Variants in WASL observed in about 807,000 individuals in gnomAD.
WASL encodes WASP like actin nucleation promoting factor, also known as actin nucleation-promoting factor WASL.
WASL carries 20 observed loss-of-function variants against 55.5 expected under a neutral mutation model. The ratio of observed to expected loss-of-function variants is 0.36; its 90% confidence interval spans 0.25 to 0.52. The LOEUF is 0.52. Among genes scored for constraint, WASL ranks in the 20% least tolerant of loss-of-function variants. The pLI, the probability that WASL is intolerant of heterozygous loss-of-function variation, is 0.92. For synonymous variants in WASL, 249 were observed against 217.6 expected, an observed-to-expected ratio of 1.14 and a Z score of -1.27; for missense variants, 504 against 622.5, an observed-to-expected ratio of 0.81 and a Z score of 2.03.
At chr7:123,734,983 T>TA (rs1406421286) in intron 1 of WASL, among the ~76,000 whole-genome samples, 2 of 151,972 alleles carry the variant, frequency 1.3e-5, no homozygotes, top group Non-Finnish European at 2.9e-5. Flanking sequence ...TTTCATTTTT[T>TA]AAAAAAATGC....
intron 1 of WASL, among the ~76,000 whole-genome samples, chr7:123,746,558 C>T (rs1804433753): frequency 1.3e-5 from 2 of 152,190 alleles, no homozygotes; most frequent in African/African-American, 4.8e-5. Context: ...TAACTAGGGA[C>T]TTCAAATATT....
chr7:123,705,028 G>T (rs1286542439), intron 4 of WASL, among the ~76,000 whole-genome samples: 1 of 152,160 alleles, frequency 6.6e-6, no homozygotes, highest in Non-Finnish European at 1.5e-5. Context: ...TTTAAATAGA[G>T]AAAGTGATAT....
intron 1 of WASL, among the ~76,000 whole-genome samples, chr7:123,736,445 T>C (rs1360043454): frequency 6.6e-6 from 1 of 152,212 alleles, no homozygotes; most frequent in African/African-American, 2.4e-5. Flanking sequence ...ACTGAATCTT[T>C]ACAGCAAAAG....
chr7:123,724,906 C>A (rs967018458), intron 1 of WASL, among the ~76,000 whole-genome samples: 2 of 152,156 alleles, frequency 1.3e-5, no homozygotes, highest in East Asian at 3.9e-4. Context: ...CAACAGCTTC[C>A]CCAATAGAAG....
chr7:123,732,826 G>C (rs762973890), intron 1 of WASL, among the ~76,000 whole-genome samples: 1 of 151,980 alleles, frequency 6.6e-6, no homozygotes, highest in African/African-American at 2.4e-5. Context: ...CAATATATAA[G>C]AATTAAACAT....
chr7:123,704,702 A>G, intron 4 of WASL, 45 bp from the exon 5 acceptor site: 1 of 1,239,428 alleles, frequency 8.1e-7, no homozygotes, highest in Non-Finnish European at 1.1e-6. Flanking sequence ...TATATGTAAG[A>G]CAACATCAAC....
intron 10 of WASL, 36 bp downstream of exon 10, chr7:123,689,006 G>GTCTTTCTC: frequency 7.8e-7 from 1 of 1,277,860 alleles, no homozygotes; most frequent in Non-Finnish European, 1.1e-6. Context: ...CACTCTCTCT[G>GTCTTTCTC]TCTCTCTCTC....
At chr7:123,727,355 A>ACT (rs1804064766) in intron 1 of WASL, among the ~76,000 whole-genome samples, 1 of 141,446 alleles carries the variant, frequency 7.1e-6, no homozygotes, top group South Asian at 2.4e-4. Flanking sequence ...AATATGTGTC[A>ACT]CACACACACA....
At chr7:123,712,564 T>C (rs965395098) in intron 1 of WASL, among the ~76,000 whole-genome samples, 3 of 152,130 alleles carry the variant, frequency 2.0e-5, no homozygotes, top group African/African-American at 7.2e-5. Flanking sequence ...ATTTGGCAAA[T>C]CTGGATGAAG....
chr7:123,748,074 A>T (rs1290123557), intron 1 of WASL, among the ~76,000 whole-genome samples: 1 of 152,084 alleles, frequency 6.6e-6, no homozygotes, highest in African/African-American at 2.4e-5. Flanking sequence ...GAAGAGCAAT[A>T]ACATTTCTTG....
intron 7 of WASL, among the ~76,000 whole-genome samples, chr7:123,695,243 C>G (rs2116773051): frequency 6.6e-6 from 1 of 152,230 alleles, no homozygotes; most frequent in South Asian, 2.1e-4. Flanking sequence ...TAATCCCAAG[C>G]ACCTTGCACA....
chr7:123,724,172 AT>A (rs1167046696), intron 1 of WASL, among the ~76,000 whole-genome samples: 1 of 152,152 alleles, frequency 6.6e-6, no homozygotes, highest in Non-Finnish European at 1.5e-5. Context: ...ACAGGTTCCT[AT>A]TTGATAAAAA....
chr7:123,727,353 T>TCGCTCACACACACACACA (rs1554406247), intron 1 of WASL, among the ~76,000 whole-genome samples: 90 of 147,818 alleles, frequency 6.1e-4, no homozygotes, highest in African/African-American at 2.1e-3. Context: ...AAAATATGTG[T>TCGCTCACACACACACACA]CACACACACA....
intron 10 of WASL, among the ~76,000 whole-genome samples, chr7:123,686,848 G>GT (rs1803300108): frequency 6.6e-6 from 1 of 152,076 alleles, no homozygotes; most frequent in African/African-American, 2.4e-5. Context: ...AATTTTCACT[G>GT]TTTTTATGCT....
chr7:123,688,884 T>C (rs529734969), intron 10 of WASL, among the ~76,000 whole-genome samples, 158 bp downstream of exon 10: 4 of 152,266 alleles, frequency 2.6e-5, no homozygotes, highest in Non-Finnish European at 1.5e-5. Flanking sequence ...CTTTTTAAAA[T>C]ACATCCTAGA....
At chr7:123,711,708 C>A (rs1325956076) in intron 1 of WASL, among the ~76,000 whole-genome samples, 1 of 152,158 alleles carries the variant, frequency 6.6e-6, no homozygotes, top group Non-Finnish European at 1.5e-5. Context: ...TTTTTACAGA[C>A]ATTCCTTCCA....
chr7:123,727,541 G>A (rs2116811861), intron 1 of WASL, among the ~76,000 whole-genome samples: 1 of 152,212 alleles, frequency 6.6e-6, no homozygotes, highest in East Asian at 1.9e-4. Flanking sequence ...TACAATAACA[G>A]AGATGAATCT....
At chr7:123,695,793 A>G (rs1181904993) in intron 7 of WASL, 30 bp downstream of exon 7, 4 of 1,608,364 alleles carry the variant, frequency 2.5e-6, no homozygotes, top group South Asian at 2.2e-5. Flanking sequence ...ACATACAGTT[A>G]TAACGTATAT....
intron 1 of WASL, among the ~76,000 whole-genome samples, chr7:123,740,444 CAATA>C (rs1325020989): frequency 1.3e-5 from 2 of 148,652 alleles, no homozygotes; most frequent in African/African-American, 4.9e-5. Flanking sequence ...AACATAGATG[CAATA>C]AATAAGATTT....
Sources: gnomAD v4.1 joint callset for allele counts (sites outside exome capture counted in the v4.1 genomes callset) on GRCh38, gnomAD v4.1.1 for gene constraint, MANE v1.5 for transcripts, NCBI Gene and HGNC (gene_info 2026-07-23, HGNC 2026-07-21) for gene names.